The following AFAP1 variants were observed in gnomAD, a reference collection of about 807,000 sequenced individuals.
The protein encoded by AFAP1 is actin filament-associated protein 1.
In AFAP1, 75 loss-of-function variants were observed where a neutral mutation model predicts 93.9. That is an observed-to-expected ratio of 0.80 (90% CI 0.66 to 0.97). The LOEUF (loss-of-function observed/expected upper bound fraction) is 0.97, where lower values mean the gene tolerates loss of function less well. Ranked by LOEUF, AFAP1 falls within the 50% of genes least tolerant of loss-of-function variation. AFAP1 has a pLI of 0.00. For missense variants in AFAP1, 1,201 were observed against 1,050.8 expected (o/e 1.14, Z -1.98); for synonymous variants, 517 against 430.7 (o/e 1.20, Z -2.48).
intron 8 of AFAP1, among the ~76,000 whole-genome samples, chr4:7,812,096 T>TA (rs537150917): frequency 8.8e-4 from 134 of 152,238 alleles, no homozygotes; most frequent in African/African-American, 3.1e-3. Context: ...ACTTCAATGT[T>TA]ACTTCAACCA....
chr4:7,917,485 G>T (rs1720150299), intron 1 of AFAP1, among the ~76,000 whole-genome samples: 1 of 152,106 alleles, frequency 6.6e-6, no homozygotes, highest in African/African-American at 2.4e-5. Context: ...CATATCATTT[G>T]AACTATTTTT....
intron 1 of AFAP1, among the ~76,000 whole-genome samples, chr4:7,917,154 G>A (rs531055459): frequency 3.3e-5 from 5 of 152,210 alleles, no homozygotes; most frequent in Admixed American, 6.5e-5. Context: ...CATGTAGCCC[G>A]CCTGGCGCAC....
chr4:7,873,342 C>CTTTTTTTTTTTTTT (rs1158765422), intron 1 of AFAP1, among the ~76,000 whole-genome samples: 1 of 50,998 alleles, frequency 2.0e-5, no homozygotes, highest in African/African-American at 7.2e-5. Flanking sequence ...GAAGACACAC[C>CTTTTTTTTTTTTTT]TTTTTTTTTT....
chr4:7,838,766 G>A, intron 5 of AFAP1, 63 bp from the exon 6 acceptor site: 1 of 1,564,998 alleles, frequency 6.4e-7, no homozygotes, highest in Non-Finnish European at 8.7e-7. Context: ...CACTGAGGAA[G>A]CTCTAGCATC....
intron 11 of AFAP1, among the ~76,000 whole-genome samples, chr4:7,791,862 AAAC>A (rs1315260822): frequency 1.1e-4 from 16 of 151,826 alleles, no homozygotes; most frequent in Non-Finnish European, 2.1e-4. Context: ...CAAAAACAAA[AAAC>A]AACAACAACA....
intron 1 of AFAP1, among the ~76,000 whole-genome samples, chr4:7,920,958 A>T (rs573569758): frequency 5.5e-4 from 84 of 151,784 alleles, no homozygotes; most frequent in African/African-American, 2.0e-3. Context: ...CTAAATATAT[A>T]AACTATATAT....
At chr4:7,764,894 C>G (rs1714337922) in intron 17 of AFAP1, among the ~76,000 whole-genome samples, 1 of 152,122 alleles carries the variant, frequency 6.6e-6, no homozygotes, top group Non-Finnish European at 1.5e-5. Context: ...TTGTGTGATG[C>G]CAGGAGTTTA....
intron 4 of AFAP1, among the ~76,000 whole-genome samples, chr4:7,851,870 A>G (rs1379129707): frequency 6.6e-6 from 1 of 152,198 alleles, no homozygotes; most frequent in Non-Finnish European, 1.5e-5. Context: ...GATCATTAAA[A>G]TAAATTTGCC....
chr4:7,817,643 G>T (rs1209057855), intron 7 of AFAP1, among the ~76,000 whole-genome samples: 1 of 151,242 alleles, frequency 6.6e-6, no homozygotes, highest in African/African-American at 2.4e-5. Flanking sequence ...AATGGGGGGG[G>T]CAGTTACATA....
rs190838827 is a variant in AFAP1 at position 7,872,176 on chromosome 4, T to C, written c.-2-96A>G. The C allele has an allele frequency of 9.4e-5, 139 of 1,483,426 alleles. No individual in the cohort carries two copies. In the African/African-American group the frequency reaches 9.5e-4, roughly 10 times the overall value. The allele number at this position is 1,483,426 out of a possible 1,614,324, so 91.9% of individuals were successfully genotyped here. On this transcript the variant is annotated intron_variant, in intron 1 of 17. Transcript: ENST00000420658. ...TTACTCGAAGCATTTCATGTTTAGC[T>C]TGATCATTGGATATAGTATTCTGAC...
At chr4:7,843,431 A>G in intron 4 of AFAP1, 81 bp from the exon 5 acceptor site, 1 of 1,275,572 alleles carries the variant, frequency 7.8e-7, no homozygotes. Context: ...ACGTCCTCTT[A>G]TTTTTAATCA....
intron 6 of AFAP1, among the ~76,000 whole-genome samples, chr4:7,824,007 G>A (rs1289214435): frequency 6.6e-6 from 1 of 152,222 alleles, no homozygotes; most frequent in African/African-American, 2.4e-5. Context: ...TTTTCAACCA[G>A]TCGGAGAGGT....
In AFAP1 at chr4:7,815,341, G is replaced by GT. The variant is rs544871912; in HGVS notation, c.904+676dup. Among the ~76,000 whole-genome samples, 385 of 152,322 alleles carry GT rather than the reference G, an allele frequency of 2.5e-3. 2 individuals are homozygous for GT. Among genetic ancestry groups the GT allele is most frequent in the African/African-American group, 8.8e-3 (367 of 41,568 alleles). On this transcript the variant is annotated intron_variant, in intron 8 of 17. Transcript: ENST00000420658. ...CTGGAGACTGATGGCGGTGATGACA[G>GT]TACAATATAAATGTACTTAATGCAC...
chr4:7,758,735 T>C lies in AFAP1; in HGVS notation c.*5030A>G, dbSNP rs888607259. On this transcript the variant is annotated 3_prime_UTR_variant, in exon 18 of 18. Transcript: ENST00000420658. ...GGGCTGGGGGAGAGAAGTTTATTCATACACAAAGGGGCACGCCAAGGGCGC... is the reference window on the plus strand; with the variant it reads ...GGGCTGGGGGAGAGAAGTTTATTCACACACAAAGGGGCACGCCAAGGGCGC... 3 of 152,042 alleles carry C rather than the reference T, an allele frequency of 2.0e-5. No homozygotes were observed. The highest frequency in any genetic ancestry group is 2.9e-5 in the Non-Finnish European group (2 of 68,026). 9.4% of individuals were successfully genotyped at this position (152,042 alleles called of 1,614,324 possible). A position where few individuals can be genotyped will look rare whatever the true frequency, so the allele number is the denominator to read the frequency against.
chr4:7,836,630 G>A (rs1712334265), intron 6 of AFAP1, among the ~76,000 whole-genome samples: 1 of 152,112 alleles, frequency 6.6e-6, no homozygotes, highest in South Asian at 2.1e-4. Flanking sequence ...GTATCTTTTA[G>A]CAGAGACAGG....
intron 1 of AFAP1, among the ~76,000 whole-genome samples, chr4:7,905,928 G>A (rs1719373883): frequency 1.3e-5 from 2 of 152,212 alleles, no homozygotes; most frequent in Admixed American, 6.5e-5. Context: ...ACCTTCCGCA[G>A]GGGGACACGC....
rs1206429498 is a variant in AFAP1 at position 7,762,117 on chromosome 4, G to A, written c.*1648C>T. On this transcript the variant is annotated 3_prime_UTR_variant, in exon 18 of 18. Coordinates refer to ENST00000420658, the MANE Select transcript of AFAP1 (RefSeq NM_001134647.2). ...GTTGTAAAACTTTTTCTTATACATG[G>A]GAGACCGCTTTCCGCTTCAGTAATC... The A allele has an allele frequency of 6.6e-6, 1 of 152,242 alleles. No homozygotes were observed. The highest frequency in any genetic ancestry group is 1.5e-5 in the Non-Finnish European group (1 of 68,046). 9.4% of individuals were successfully genotyped at this position (152,242 alleles called of 1,614,324 possible).
intron 6 of AFAP1, among the ~76,000 whole-genome samples, chr4:7,834,100 C>CAA (rs1310935666): frequency 6.0e-5 from 8 of 134,148 alleles, no homozygotes; most frequent in Non-Finnish European, 9.2e-5. Flanking sequence ...CATACACACA[C>CAA]ACACACACAC....
chr4:7,789,585 C>CCG (rs1717650104), intron 11 of AFAP1, among the ~76,000 whole-genome samples: 1 of 133,096 alleles, frequency 7.5e-6, no homozygotes, highest in African/African-American at 3.3e-5. Flanking sequence ...TCCCCACGCT[C>CCG]CGCACCAGCC....
Sources: allele counts gnomAD v4.1 joint callset (sites outside exome capture counted in the v4.1 genomes callset), GRCh38; gene constraint gnomAD v4.1.1; transcripts MANE v1.5; gene names NCBI Gene and HGNC (gene_info 2026-07-23, HGNC 2026-07-21).